PDE4D: variants seen among roughly 807,000 people sequenced by gnomAD.
PDE4D encodes 3',5'-cyclic-AMP phosphodiesterase 4D.
PDE4D carries 24 observed loss-of-function variants against 87.4 expected under a neutral mutation model. The observed-to-expected ratio is 0.27, with a 90% CI of 0.20 to 0.39. The LOEUF is 0.39. Among genes scored for constraint, PDE4D ranks in the 10% least tolerant of loss-of-function variants. The pLI is 1.00. For synonymous variants in PDE4D, 384 were observed against 383.2 expected, an observed-to-expected ratio of 1.00 and a Z score of -0.02; for missense variants, 714 against 1,041.0, an observed-to-expected ratio of 0.69 and a Z score of 4.32.
At chr5:59,041,580 G>A (rs1204121414) in intron 5 of PDE4D, among the ~76,000 whole-genome samples, 1 of 152,320 alleles carries the variant, frequency 6.6e-6, no homozygotes, top group Middle Eastern at 3.4e-3. Flanking sequence ...TAACCATTGT[G>A]TCTGGGATTT....
chr5:59,937,391 G>C (rs1188884860), intron 3 of PDE4D, among the ~76,000 whole-genome samples: 1 of 152,172 alleles, frequency 6.6e-6, no homozygotes, highest in African/African-American at 2.4e-5. Context: ...TTATAGGTGA[G>C]TGTATTAGTC....
Position 59,533,417 on chromosome 5 carries a change from A to G in PDE4D, c.456-317449T>C, listed in dbSNP as rs549459702. On this transcript the variant is annotated intron_variant, in intron 1 of 14. Transcript: ENST00000340635. ...ATCTGTAATGCCCAAATTAGAAAAC[A>G]GTTATTTTTCTCCAGGATTGATGTA... 3.9e-5 allele frequency among the ~76,000 whole-genome samples: 6 copies of G among 152,320 alleles called. No individual in the cohort carries two copies. The South Asian group carries it at 1.2e-3, about 32-fold the overall frequency.
At chr5:59,695,252 C>A (rs796362156) in intron 1 of PDE4D, among the ~76,000 whole-genome samples, 31 of 152,016 alleles carry the variant, frequency 2.0e-4, no homozygotes, top group African/African-American at 6.8e-4. Context: ...GAGTCTTCTG[C>A]CAACTGCTAC....
At chr5:59,520,922 G>A (rs868696119) in intron 1 of PDE4D, among the ~76,000 whole-genome samples, 3 of 151,958 alleles carry the variant, frequency 2.0e-5, no homozygotes, top group Non-Finnish European at 4.4e-5. Flanking sequence ...TTGTGTGTGT[G>A]TGTCTGTATG....
chr5:60,474,132 A>G (rs1451995620), intron 1 of PDE4D, among the ~76,000 whole-genome samples: 9 of 103,500 alleles, frequency 8.7e-5, no homozygotes, highest in South Asian at 6.0e-4. Flanking sequence ...ATATATATAT[A>G]TATATATATA....
chr5:59,859,335 G>A (rs1745918719), intron 1 of PDE4D, among the ~76,000 whole-genome samples: 1 of 152,140 alleles, frequency 6.6e-6, no homozygotes, highest in African/African-American at 2.4e-5. Flanking sequence ...AATAGGCAGT[G>A]TAGGTGTATA....
intron 1 of PDE4D, among the ~76,000 whole-genome samples, chr5:59,384,464 G>A (rs899981008): frequency 5.3e-5 from 8 of 152,094 alleles, no homozygotes; most frequent in African/African-American, 1.9e-4. Context: ...AACTCTGTCA[G>A]TTTCTGTACC....
intron 1 of PDE4D, among the ~76,000 whole-genome samples, chr5:59,832,361 T>C (rs1323456012): frequency 1.3e-5 from 2 of 152,032 alleles, no homozygotes; most frequent in Non-Finnish European, 2.9e-5. Flanking sequence ...TAGGAAGATG[T>C]TGGGATCATG....
intron 1 of PDE4D, among the ~76,000 whole-genome samples, chr5:59,377,118 G>A (rs1176439925): frequency 6.6e-6 from 1 of 152,084 alleles, no homozygotes; most frequent in East Asian, 1.9e-4. Context: ...CACAGGAACA[G>A]GTGAAGATGT....
At chr5:59,764,098 T>A (rs1762492325) in intron 1 of PDE4D, among the ~76,000 whole-genome samples, 1 of 152,174 alleles carries the variant, frequency 6.6e-6, no homozygotes, top group Admixed American at 6.5e-5. Flanking sequence ...CATTTCTGCC[T>A]TCTCCTTTCC....
chr5:59,882,342 G>A lies in PDE4D; in HGVS notation c.455+10826C>T, dbSNP rs1336694378. On this transcript the variant is annotated intron_variant, in intron 1 of 14. Coordinates refer to ENST00000340635, the MANE Select transcript of PDE4D (RefSeq NM_001104631.2). ...CAATAAAACTGAAAACCCAGGTGGT[G>A]GGAATGATTGAGTGGTAGTAAAATA... Among the ~76,000 whole-genome samples the A allele has an allele frequency of 2.0e-5, 3 of 152,132 alleles. 1 individual carries two copies. Among genetic ancestry groups the A allele is most frequent in the Non-Finnish European group, 2.9e-5 (2 of 68,018 alleles).
chr5:59,660,004 G>C (rs1042855836), intron 1 of PDE4D, among the ~76,000 whole-genome samples: 2 of 152,046 alleles, frequency 1.3e-5, no homozygotes, highest in East Asian at 3.9e-4. Context: ...GGGCAACATG[G>C]CGAGGCCCCA....
At chr5:60,123,045 T>A (rs923161871) in intron 2 of PDE4D, among the ~76,000 whole-genome samples, 1 of 152,166 alleles carries the variant, frequency 6.6e-6, no homozygotes, top group Non-Finnish European at 1.5e-5. Flanking sequence ...TTGCTACAGT[T>A]CCCAACAAGT....
intron 1 of PDE4D, among the ~76,000 whole-genome samples, chr5:59,687,044 T>C (rs115979770): frequency 0.015 from 2,315 of 152,178 alleles, 47 homozygotes; most frequent in African/African-American, 0.048. Context: ...AAGAGAGAAA[T>C]AGAAACATGA....
At chr5:59,076,219 A>C (rs1765662259) in intron 5 of PDE4D, among the ~76,000 whole-genome samples, 1 of 152,180 alleles carries the variant, frequency 6.6e-6, no homozygotes, top group Non-Finnish European at 1.5e-5. Context: ...ATTTACAAAG[A>C]GGAAAAACAA....
chr5:59,588,902 A>G (rs541545205), intron 1 of PDE4D, among the ~76,000 whole-genome samples: 1 of 152,334 alleles, frequency 6.6e-6, no homozygotes, highest in South Asian at 2.1e-4. Context: ...ACTTCAGCCT[A>G]CATTGTTTTT....
At chr5:59,091,771 A>AT (rs1322145703) in intron 5 of PDE4D, among the ~76,000 whole-genome samples, 2 of 152,052 alleles carry the variant, frequency 1.3e-5, no homozygotes, top group Non-Finnish European at 2.9e-5. Flanking sequence ...TAAAATTTAA[A>AT]TTTTACATAC....
chr5:59,589,668 T>A (rs958221366), intron 1 of PDE4D, among the ~76,000 whole-genome samples: 1 of 152,180 alleles, frequency 6.6e-6, no homozygotes, highest in Non-Finnish European at 1.5e-5. Flanking sequence ...CACCTATGGG[T>A]GATAGGATAG....
intron 2 of PDE4D, chr5:60,021,403 T>G (rs767915214): frequency 6.6e-6 from 1 of 152,224 alleles, no homozygotes; most frequent in Non-Finnish European, 1.5e-5. Context: ...CCTATCGCTC[T>G]TCAAGGAAAA....
Sources: allele counts gnomAD v4.1 joint callset (sites outside exome capture counted in the v4.1 genomes callset), GRCh38; gene constraint gnomAD v4.1.1; transcripts MANE v1.5; gene names NCBI Gene and HGNC (gene_info 2026-07-23, HGNC 2026-07-21).